Variants in NGEF observed in about 807,000 individuals in gnomAD.
The protein encoded by NGEF is neuronal guanine nucleotide exchange factor, also known as ephexin-1.
A neutral mutation model predicts 80.9 loss-of-function variants in NGEF; 31 were observed. The ratio of observed to expected loss-of-function variants is 0.38; its 90% CI spans 0.29 to 0.52. The LOEUF (loss-of-function observed/expected upper bound fraction) is 0.52. Among genes scored for constraint, NGEF ranks in the 20% least tolerant of loss-of-function variants. NGEF has a pLI of 0.84. For missense variants in NGEF, 709 were observed against 926.2 expected, an observed-to-expected ratio of 0.77 and a Z score of 3.04; for synonymous variants, 371 against 370.2, an observed-to-expected ratio of 1.00 and a Z score of -0.03.
At position 232,974,770 on chromosome 2, in the gene NGEF, TCTC is replaced by T. The variant is rs113782505; in HGVS notation, c.118_120del (p.Glu40del). The T allele has an allele frequency of 2.5e-5, 41 of 1,614,214 alleles. 1 individual carries two copies. In the African/African-American group the frequency reaches 4.0e-4, roughly 16 times the overall value. On this transcript the variant is annotated inframe_deletion, in exon 2 of 15. Transcript: ENST00000264051. ...TGGATATCCTGGTCAGCTTGAGAAG[TCTC>T]CTCTTTTTCTGGGAGTAACTCAGGT...
intron 1 of NGEF, among the ~76,000 whole-genome samples, chr2:232,980,677 T>G (rs1397043480): frequency 1.3e-5 from 2 of 152,058 alleles, no homozygotes; most frequent in Non-Finnish European, 2.9e-5. Flanking sequence ...TTTTTCTTTT[T>G]AAATAGAGGC....
At chr2:232,976,103 A>G (rs1339617202) in intron 1 of NGEF, among the ~76,000 whole-genome samples, 1 of 152,148 alleles carries the variant, frequency 6.6e-6, no homozygotes, top group Non-Finnish European at 1.5e-5. Context: ...CGGGAGGCTG[A>G]GGCAGGAGAA....
intron 5 of NGEF, among the ~76,000 whole-genome samples, chr2:232,916,942 C>T (rs1692815928): frequency 6.6e-6 from 1 of 152,244 alleles, no homozygotes; most frequent in African/African-American, 2.4e-5. Flanking sequence ...CTCTGCTACC[C>T]GCCAGGCTGT....
At chr2:232,887,411 C>T (rs931408999) in intron 9 of NGEF, among the ~76,000 whole-genome samples, 1 of 147,502 alleles carries the variant, frequency 6.8e-6, no homozygotes, top group Non-Finnish European at 1.5e-5. Context: ...GGTCCTTGCA[C>T]TCTTGGGCAG....
chr2:232,965,390 G>A (rs199794055), intron 3 of NGEF, among the ~76,000 whole-genome samples: 12 of 152,304 alleles, frequency 7.9e-5, no homozygotes, highest in Middle Eastern at 3.4e-3. Flanking sequence ...AAAATCAGCC[G>A]CGACACTTTG....
chr2:232,899,177 G>A (rs560705454), intron 5 of NGEF, among the ~76,000 whole-genome samples: 1 of 152,104 alleles, frequency 6.6e-6, no homozygotes, highest in Non-Finnish European at 1.5e-5. Context: ...GTGTATGAAG[G>A]TGAGTGTGAA....
intron 13 of NGEF, 55 bp downstream of exon 13, chr2:232,882,131 T>C: frequency 6.5e-7 from 1 of 1,533,090 alleles, no homozygotes; most frequent in Non-Finnish European, 9.0e-7. Context: ...ACCTGCGGCA[T>C]CCGGCAGGGC....
chr2:232,955,770 C>T (rs1157393249), intron 3 of NGEF, among the ~76,000 whole-genome samples: 5 of 152,176 alleles, frequency 3.3e-5, no homozygotes, highest in South Asian at 4.1e-4. Context: ...CCACTCGCCT[C>T]GGCCTCCCAC....
chr2:232,881,173 G>C lies in NGEF; in HGVS notation c.1915C>G (p.Leu639Val). 6.2e-7 allele frequency: 1 copy of C among 1,612,480 alleles called. No homozygotes were observed. The highest frequency in any genetic ancestry group is 8.5e-7 in the Non-Finnish European group (1 of 1,180,012). Residue 639 changes from leucine to valine, a missense_variant, in exon 14 of 15, where the codon CTC becomes GTC. By Grantham distance (32) the Leu-to-Val change is conservative. Around this residue, in one of 2 missense-constraint regions of NGEF, gnomAD observed 426 missense variants for 622.9 expected, o/e 0.68. Coordinates refer to ENST00000264051, the MANE Select transcript of NGEF (RefSeq NM_019850.3). ...DELTLELADI[L>V]NILDKTDDGW... is the part of the protein sequence containing the mutation. Reference sequence around the variant, plus strand: ...TCGTCAGTCTTGTCCAGGATGTTGAGGATGTCGGCGAGCTCCAGCGTCAGC... The same window carrying C: ...TCGTCAGTCTTGTCCAGGATGTTGACGATGTCGGCGAGCTCCAGCGTCAGC...
chr2:232,963,611 C>T (rs1008807774), intron 3 of NGEF, among the ~76,000 whole-genome samples: 4 of 151,948 alleles, frequency 2.6e-5, no homozygotes, highest in South Asian at 2.1e-4. Context: ...GTCAGGAGTT[C>T]GAGACCAGCC....
At chr2:233,002,341 G>A (rs1694996982) in intron 1 of NGEF, among the ~76,000 whole-genome samples, 1 of 152,188 alleles carries the variant, frequency 6.6e-6, no homozygotes, top group African/African-American at 2.4e-5. Flanking sequence ...AAGGCAATCT[G>A]TAGAAAATAT....
At chr2:232,959,814 G>A (rs867274948) in intron 3 of NGEF, among the ~76,000 whole-genome samples, 4 of 152,110 alleles carry the variant, frequency 2.6e-5, no homozygotes, top group African/African-American at 9.7e-5. Flanking sequence ...CCCAACCTCA[G>A]GTAATCTGCC....
rs1052373385 is a variant in NGEF at position 232,932,979 on chromosome 2, G to GGTCTACTCT, written c.384-5794_384-5793insAGAGTAGAC. ...AAAAAATTAGCTCAGCATGGTGGTAGGTGCCTGTAATCCCAGCTACTTGGG... is the reference window on the plus strand; with the variant it reads ...AAAAAATTAGCTCAGCATGGTGGTAGGTCTACTCTGTGCCTGTAATCCCAGCTACTTGGG... On this transcript the variant is annotated intron_variant, in intron 3 of 14. Transcript: ENST00000264051. 3.3e-5 allele frequency among the ~76,000 whole-genome samples: 5 copies of GGTCTACTCT among 152,062 alleles called. No individual in the cohort carries two copies. The South Asian group carries it at 8.3e-4, about 25-fold the overall frequency.
At chr2:232,942,848 A>G (rs1274148665) in intron 3 of NGEF, among the ~76,000 whole-genome samples, 1 of 146,392 alleles carries the variant, frequency 6.8e-6, no homozygotes, top group African/African-American at 2.5e-5. Context: ...CTTGAGCTCA[A>G]GTAGTACCAT....
chr2:232,929,787 C>G (rs934537822), intron 3 of NGEF, among the ~76,000 whole-genome samples: 1 of 152,120 alleles, frequency 6.6e-6, no homozygotes, highest in Non-Finnish European at 1.5e-5. Context: ...TGATGTGGTT[C>G]GGCTGTGTCC....
At chr2:232,888,418 A>G (rs987713798) in intron 8 of NGEF, among the ~76,000 whole-genome samples, 10 of 152,170 alleles carry the variant, frequency 6.6e-5, no homozygotes, top group African/African-American at 2.4e-4. Flanking sequence ...ATGCATGCAC[A>G]CACGTGCATA....
At chr2:233,005,656 G>C (rs1104953) in intron 1 of NGEF, among the ~76,000 whole-genome samples, 57,451 of 151,960 alleles carry the variant, frequency 0.38, 11,877 homozygotes, top group East Asian at 0.85. Context: ...CACAAGCAAA[G>C]TAGTTCGGGC....
At chr2:232,896,934 G>A in intron 5 of NGEF, among the ~76,000 whole-genome samples, 1 of 134,930 alleles carries the variant, frequency 7.4e-6, no homozygotes, top group Non-Finnish European at 1.6e-5. Context: ...GGTGAGGGTA[G>A]GGGTGAGGGT....
chr2:232,943,637 A>G (rs1456759942), intron 3 of NGEF, among the ~76,000 whole-genome samples: 1 of 150,652 alleles, frequency 6.6e-6, no homozygotes, highest in Non-Finnish European at 1.5e-5. Context: ...CTGGGACTAC[A>G]GGCGCCCGCC....
Sources: gnomAD v4.1 joint callset for allele counts (sites outside exome capture counted in the v4.1 genomes callset) on GRCh38, gnomAD v4.1.1 for gene constraint, gnomAD v4.1.1 regional missense constraint, MANE v1.5 for transcripts, NCBI Gene and HGNC (gene_info 2026-07-23, HGNC 2026-07-21) for gene names.